Variants in ANO10 observed in about 807,000 individuals in gnomAD.
ANO10 encodes anoctamin-10.
In ANO10, 77 loss-of-function variants were observed where a neutral mutation model predicts 74.7. The ratio of observed to expected loss-of-function variants is 1.03; its 90% CI spans 0.86 to 1.25. The LOEUF (loss-of-function observed/expected upper bound fraction) is 1.25, where lower values mean the gene tolerates loss of function less well. ANO10 is among the 50% of genes most tolerant of loss of function. The pLI, the probability that ANO10 is intolerant of heterozygous loss-of-function variation, is 0.00. For synonymous variants in ANO10, 279 were observed against 284.9 expected (o/e 0.98, Z 0.21); for missense variants, 721 against 778.1 (o/e 0.93, Z 0.87).
At chr3:43,632,395 C>T (rs2083557837) in intron 1 of ANO10, among the ~76,000 whole-genome samples, 1 of 152,252 alleles carries the variant, frequency 6.6e-6, no homozygotes, top group Non-Finnish European at 1.5e-5. Flanking sequence ...TGAGTCATGG[C>T]AAGCTGGCCA....
chr3:43,390,227 T>A (rs1254973102), intron 12 of ANO10, among the ~76,000 whole-genome samples: 2 of 152,218 alleles, frequency 1.3e-5, no homozygotes, highest in Non-Finnish European at 2.9e-5. Context: ...GACTGGACGT[T>A]GAGCCCACCA....
At chr3:43,566,151 G>A (rs1398787821) in intron 7 of ANO10, among the ~76,000 whole-genome samples, 7 of 152,302 alleles carry the variant, frequency 4.6e-5, no homozygotes, top group Admixed American at 1.3e-4. Flanking sequence ...GGCGCACCAC[G>A]AGATTATATC....
intron 11 of ANO10, among the ~76,000 whole-genome samples, chr3:43,464,215 T>G (rs1044327370): frequency 1.3e-5 from 2 of 152,130 alleles, no homozygotes; most frequent in African/African-American, 4.8e-5. Context: ...GAGGGGACAT[T>G]CATGAGGACA....
chr3:43,434,382 T>G (rs2093036175), intron 11 of ANO10, among the ~76,000 whole-genome samples: 1 of 152,238 alleles, frequency 6.6e-6, no homozygotes, highest in Non-Finnish European at 1.5e-5. Flanking sequence ...AATACATGAA[T>G]AATTCAGAAA....
At chr3:43,390,029 C>T (rs1397479396) in intron 12 of ANO10, among the ~76,000 whole-genome samples, 1 of 152,250 alleles carries the variant, frequency 6.6e-6, no homozygotes, top group Non-Finnish European at 1.5e-5. Context: ...CACCAACAGT[C>T]ATACGCAAGA....
chr3:43,656,305 T>C (rs1448909824), intron 1 of ANO10, among the ~76,000 whole-genome samples: 1 of 152,200 alleles, frequency 6.6e-6, no homozygotes, highest in Non-Finnish European at 1.5e-5. Flanking sequence ...TTACAATCCC[T>C]GAGCTAGACA....
At chr3:43,573,319 T>C (rs1036146836) in intron 7 of ANO10, among the ~76,000 whole-genome samples, 1 of 152,202 alleles carries the variant, frequency 6.6e-6, no homozygotes, top group Non-Finnish European at 1.5e-5. Context: ...TGCCCAATTG[T>C]TGAATTCTTA....
chr3:43,642,143 T>C (rs1390301076), intron 1 of ANO10, among the ~76,000 whole-genome samples: 3 of 152,220 alleles, frequency 2.0e-5, no homozygotes, highest in Admixed American at 2.0e-4. Context: ...AGTGAACAGA[T>C]CCAGGAATGA....
chr3:43,483,701 T>A (rs113080605), intron 11 of ANO10, among the ~76,000 whole-genome samples: 2,091 of 152,194 alleles, frequency 0.014, 53 homozygotes, highest in African/African-American at 0.048. Flanking sequence ...GGTGGTTGGG[T>A]TAGTTTGGTT....
At chr3:43,487,128 C>T (rs1313769772) in intron 11 of ANO10, among the ~76,000 whole-genome samples, 1 of 148,790 alleles carries the variant, frequency 6.7e-6, no homozygotes, top group African/African-American at 2.5e-5. Context: ...GTATATTGAA[C>T]CAGCCTTGCA....
intron 1 of ANO10, among the ~76,000 whole-genome samples, chr3:43,670,360 A>G (rs1285067832): frequency 6.6e-6 from 1 of 151,914 alleles, no homozygotes; most frequent in East Asian, 1.9e-4. Context: ...AAATAAAATA[A>G]TAAATCTGGA....
intron 11 of ANO10, among the ~76,000 whole-genome samples, chr3:43,458,858 T>C (rs886770228): frequency 2.0e-5 from 3 of 152,160 alleles, no homozygotes; most frequent in Non-Finnish European, 4.4e-5. Context: ...CCTCCCTGTG[T>C]CCATGTGTTC....
intron 11 of ANO10, among the ~76,000 whole-genome samples, chr3:43,508,143 T>C (rs1229023998): frequency 6.6e-6 from 1 of 152,160 alleles, no homozygotes; most frequent in Non-Finnish European, 1.5e-5. Flanking sequence ...TCTAATTCTA[T>C]TGAAGGTACT....
intron 4 of ANO10, among the ~76,000 whole-genome samples, chr3:43,592,882 A>C (rs2081867167): frequency 6.6e-6 from 1 of 152,212 alleles, no homozygotes; most frequent in South Asian, 2.1e-4. Context: ...ATGTCTAACT[A>C]GAATAAATAG....
intron 11 of ANO10, among the ~76,000 whole-genome samples, chr3:43,435,665 C>T (rs1382513219): frequency 6.6e-6 from 1 of 152,180 alleles, no homozygotes; most frequent in Non-Finnish European, 1.5e-5. Context: ...ATTTTCTCCC[C>T]ACTTTGCCAA....
rs768283501 is a variant in ANO10, at chr3:43,580,344, GAC to G, written c.592+7_592+8del. 1 of 1,613,602 alleles carries G rather than the reference GAC, an allele frequency of 6.2e-7. No individual in the cohort carries two copies. Among genetic ancestry groups the G allele is most frequent in the Admixed American group, 1.7e-5 (1 of 59,984 alleles). Reference sequence around the variant, plus strand: ...CCTCTTCTTTAAGAGAACAAGTACTGACACATACCTATGGGCTGATACTTCAA... The same window carrying G: ...CCTCTTCTTTAAGAGAACAAGTACTGACATACCTATGGGCTGATACTTCAA... On this transcript the variant is annotated splice_region_variant and intron_variant, in intron 5 of 12. Transcript: ENST00000292246.
chr3:43,535,482 G>A (rs1216108180), intron 11 of ANO10, among the ~76,000 whole-genome samples: 1 of 151,748 alleles, frequency 6.6e-6, no homozygotes, highest in East Asian at 1.9e-4. Flanking sequence ...CAACATGTTG[G>A]CCAGAATGGT....
intron 2 of ANO10, among the ~76,000 whole-genome samples, chr3:43,603,209 C>A (rs986991235): frequency 2.0e-5 from 3 of 152,138 alleles, no homozygotes; most frequent in Non-Finnish European, 4.4e-5. Context: ...TGTCTCTCTC[C>A]TTGATCCACT....
At chr3:43,598,432 T>C (rs2082187212) in intron 4 of ANO10, 100 bp downstream of exon 4, 5 of 1,164,372 alleles carry the variant, frequency 4.3e-6, no homozygotes, top group South Asian at 2.7e-5. Context: ...ATACAAGTTA[T>C]TGTAAGTTTG....
Sources: allele counts gnomAD v4.1 joint callset (sites outside exome capture counted in the v4.1 genomes callset), GRCh38; gene constraint gnomAD v4.1.1; transcripts MANE v1.5; gene names NCBI Gene and HGNC (gene_info 2026-07-23, HGNC 2026-07-21).